Variants in AGAP1 observed in about 807,000 individuals in gnomAD.
The protein encoded by AGAP1 is ArfGAP with GTPase domain, ankyrin repeat and PH domain 1.
A neutral mutation model predicts 105.3 loss-of-function variants in AGAP1; 29 were observed. The observed-to-expected ratio is 0.28, with a 90% CI of 0.21 to 0.38. AGAP1 has a LOEUF of 0.38. Among genes scored for constraint, AGAP1 ranks in the 10% least tolerant of loss-of-function variants. AGAP1 has a pLI of 1.00. For synonymous variants in AGAP1, 509 were observed against 485.9 expected (o/e 1.05, Z -0.63); for missense variants, 998 against 1,165.1 (o/e 0.86, Z 2.09).
chr2:236,096,248 C>G lies in AGAP1; in HGVS notation c.2115-23944C>G, dbSNP rs760306488. On this transcript the variant is annotated intron_variant, in intron 16 of 17. Coordinates refer to ENST00000304032, the MANE Select transcript of AGAP1 (RefSeq NM_001037131.3). The surrounding 1 kb of genome is among the most constrained non-coding windows in gnomAD (Gnocchi z 4.4). ...AGGCACAGTGGCTCACGCCTGTAAT[C>G]CCAGCACTTCGGGAGGCCAAGGCGG... Among the ~76,000 whole-genome samples, 4 of 152,170 alleles carry G rather than the reference C, an allele frequency of 2.6e-5. No individual in the cohort carries two copies. Among genetic ancestry groups the G allele is most frequent in the Non-Finnish European group, 4.4e-5 (3 of 68,030 alleles).
intron 9 of AGAP1, among the ~76,000 whole-genome samples, chr2:235,821,513 A>G (rs1162553091): frequency 6.6e-6 from 1 of 150,858 alleles, no homozygotes; most frequent in Non-Finnish European, 1.5e-5. Flanking sequence ...CCTCCCGAGT[A>G]GCCGGGACTA....
chr2:235,842,848 C>T lies in AGAP1; in HGVS notation c.1050+35517C>T, dbSNP rs1961023553. Among the ~76,000 whole-genome samples the T allele has an allele frequency of 6.6e-6, 1 of 152,016 alleles. No individual in the cohort carries two copies. Among genetic ancestry groups the T allele is most frequent in the East Asian group, 1.9e-4 (1 of 5,178 alleles). ...GTTCAAGTGATTCTTCTGCCTCAGC[C>T]TCCCGACTAGCTGGGATTATAGGCA... is the stretch of plus-strand genomic sequence containing the variant. On this transcript the variant is annotated intron_variant, in intron 9 of 17. Transcript: ENST00000304032. The surrounding 1 kb of genome is among the most constrained non-coding windows in gnomAD (Gnocchi z 5.3).
rs1035047991 is a variant in AGAP1, at chr2:235,633,656, G to C, written c.164-75523G>C. On this transcript the variant is annotated intron_variant, in intron 1 of 17. Coordinates refer to ENST00000304032, the MANE Select transcript of AGAP1 (RefSeq NM_001037131.3). The surrounding 1 kb of genome is among the most constrained non-coding windows in gnomAD (Gnocchi z 4.8). ...GTGGGGAGACCTACAAGGCCTGTCT[G>C]TTCAGATTCCTCTTGGCCTCTGTGT... Among the ~76,000 whole-genome samples, 1 of 152,138 alleles carries C rather than the reference G, an allele frequency of 6.6e-6. No homozygotes were observed. Among genetic ancestry groups the C allele is most frequent in the South Asian group, 2.1e-4 (1 of 4,828 alleles).
At position 235,667,099 on chromosome 2, in the gene AGAP1, T is replaced by G. The variant is rs543064919; in HGVS notation, c.164-42080T>G. ...TGCCATATTTTAGTGGTGTTCATCATTAAAGAGGCGGGATGGCCCTGTAGC... is the reference window on the plus strand; with the variant it reads ...TGCCATATTTTAGTGGTGTTCATCAGTAAAGAGGCGGGATGGCCCTGTAGC... On this transcript the variant is annotated intron_variant, in intron 1 of 17. Coordinates refer to ENST00000304032, the MANE Select transcript of AGAP1 (RefSeq NM_001037131.3). Among the ~76,000 whole-genome samples, 6 of 152,324 alleles carry G rather than the reference T, an allele frequency of 3.9e-5. No homozygotes were observed. In the South Asian group the frequency reaches 1.2e-3, roughly 32 times the overall value.
rs1436225731 is a variant in AGAP1 at position 235,689,425 on chromosome 2, C to T, written c.164-19754C>T. On this transcript the variant is annotated intron_variant, in intron 1 of 17. Coordinates refer to ENST00000304032, the MANE Select transcript of AGAP1 (RefSeq NM_001037131.3). The surrounding 1 kb of genome is among the most constrained non-coding windows in gnomAD (Gnocchi z 4.2). ...AGAAAGTAGTGCACTGATTATGTTTCCATTACACCATAGAACATAACAATT... is the reference window on the plus strand; with the variant it reads ...AGAAAGTAGTGCACTGATTATGTTTTCATTACACCATAGAACATAACAATT... Among the ~76,000 whole-genome samples, 1 of 152,246 alleles carries T rather than the reference C, an allele frequency of 6.6e-6. No individual in the cohort carries two copies. The highest frequency in any genetic ancestry group is 1.5e-5 in the Non-Finnish European group (1 of 68,050).
chr2:235,645,363 T>C (rs1379304463), intron 1 of AGAP1, among the ~76,000 whole-genome samples: 2 of 152,176 alleles, frequency 1.3e-5, no homozygotes, highest in Admixed American at 6.5e-5. Flanking sequence ...TAAAGGAAGC[T>C]AAGGGATAGA....
chr2:235,989,409 C>G lies in AGAP1; in HGVS notation c.1645+20786C>G, dbSNP rs889484784. Among the ~76,000 whole-genome samples the G allele has an allele frequency of 6.6e-6, 1 of 152,174 alleles. No individual in the cohort carries two copies. Among genetic ancestry groups the G allele is most frequent in the African/African-American group, 2.4e-5 (1 of 41,460 alleles). ...GGAGGAAGAACAGACCAGGTGAAAACATCAGGAGGAGGGTCCGCAGCTCGA... is the reference window on the plus strand; with the variant it reads ...GGAGGAAGAACAGACCAGGTGAAAAGATCAGGAGGAGGGTCCGCAGCTCGA... On this transcript the variant is annotated intron_variant, in intron 13 of 17. Transcript: ENST00000304032. The surrounding 1 kb of genome is among the most constrained non-coding windows in gnomAD (Gnocchi z 4.4).
intron 1 of AGAP1, among the ~76,000 whole-genome samples, chr2:235,541,392 T>C (rs1445178606): frequency 7.9e-5 from 11 of 138,606 alleles, no homozygotes; most frequent in African/African-American, 2.4e-4. Flanking sequence ...TTTTTTTTTT[T>C]TTTTTTTTTT....
intron 16 of AGAP1, among the ~76,000 whole-genome samples, chr2:236,103,484 G>T (rs954622077): frequency 5.3e-5 from 8 of 151,474 alleles, no homozygotes; most frequent in African/African-American, 1.9e-4. Flanking sequence ...CCCCTTGTTT[G>T]TTTGTCTTTC....
chr2:235,935,895 C>T (rs1328115933), intron 12 of AGAP1, among the ~76,000 whole-genome samples: 1 of 152,158 alleles, frequency 6.6e-6, no homozygotes. Context: ...ACAAGATGCA[C>T]GTTGAGATGC....
At chr2:235,537,453 G>A (rs1418512442) in intron 1 of AGAP1, among the ~76,000 whole-genome samples, 1 of 152,208 alleles carries the variant, frequency 6.6e-6, no homozygotes, top group Non-Finnish European at 1.5e-5. Context: ...AGGCTGGGGA[G>A]TCATGAGGAT....
At chr2:235,785,269 A>G (rs1956551705) in intron 6 of AGAP1, among the ~76,000 whole-genome samples, 1 of 152,166 alleles carries the variant, frequency 6.6e-6, no homozygotes, top group Admixed American at 6.5e-5. Flanking sequence ...GCCTGTGAGA[A>G]ATGGAAAGAT....
At chr2:236,091,401 T>G (rs1376976527) in intron 16 of AGAP1, among the ~76,000 whole-genome samples, 1 of 152,234 alleles carries the variant, frequency 6.6e-6, no homozygotes, top group Non-Finnish European at 1.5e-5. Context: ...AAAACAGTTT[T>G]ACAGTTTCTT....
rs117163998 is a variant in AGAP1 at position 235,667,150 on chromosome 2, T to C, written c.164-42029T>C. 6.5e-3 allele frequency among the ~76,000 whole-genome samples: 997 copies of C among 152,302 alleles called. 18 individuals carry two copies. The highest frequency in any genetic ancestry group is 0.049 in the Admixed American group (751 of 15,296). On this transcript the variant is annotated intron_variant, in intron 1 of 17. Coordinates refer to ENST00000304032, the MANE Select transcript of AGAP1 (RefSeq NM_001037131.3). ...TGTCTCTGGGATTATCGCGAAGCTT[T>C]TCTCTCCCTCGCTGTCTTTCTGTGG...
At chr2:235,835,438 C>T (rs1960034510) in intron 9 of AGAP1, among the ~76,000 whole-genome samples, 1 of 152,208 alleles carries the variant, frequency 6.6e-6, no homozygotes, top group Non-Finnish European at 1.5e-5. Flanking sequence ...TCATCTACGT[C>T]TGTGTTTTGT....
At position 236,049,091 on chromosome 2, in the gene AGAP1, C is replaced by T; in HGVS notation, c.1924C>T (p.Leu642Phe). ...CTGGGCCAGTTTGAACTTGGGAGCC[C>T]TCATGTGCATCGAATGCTCAGGGAT... Reference protein sequence around the residue: ...PNWASLNLGALMCIECSGIHR... With the variant: ...PNWASLNLGAFMCIECSGIHR... The change falls in exon 16 of 18, where the codon CTC becomes TTC. Residue 642 changes from leucine to phenylalanine, a missense_variant. By Grantham distance (22) the Leu-to-Phe change is conservative. Transcript: ENST00000304032. 1.2e-6 allele frequency: 2 copies of T among 1,614,206 alleles called. No individual in the cohort carries two copies. Among genetic ancestry groups the T allele is most frequent in the Admixed American group, 1.7e-5 (1 of 60,024 alleles).
In AGAP1 at chr2:235,586,067, TC is replaced by T. The variant is rs1175751395; in HGVS notation, c.163+91219del. 1.3e-5 allele frequency among the ~76,000 whole-genome samples: 2 copies of T among 152,214 alleles called. No homozygotes were observed. Among genetic ancestry groups the T allele is most frequent in the Non-Finnish European group, 2.9e-5 (2 of 68,000 alleles). Reference sequence around the variant, plus strand: ...TGAGTGGGAAGGGGATTTAGGAGCTTCATGAGCGAGTCAAATGCAAGTTGGG... The same window carrying T: ...TGAGTGGGAAGGGGATTTAGGAGCTTATGAGCGAGTCAAATGCAAGTTGGG... On this transcript the variant is annotated intron_variant, in intron 1 of 17. Coordinates refer to ENST00000304032, the MANE Select transcript of AGAP1 (RefSeq NM_001037131.3). This position sits in a 1 kb window ranked among gnomAD's most constrained non-coding sequence, Gnocchi z 4.2.
At position 235,631,350 on chromosome 2, in the gene AGAP1, A is replaced by C. The variant is rs1946824590; in HGVS notation, c.164-77829A>C. On this transcript the variant is annotated intron_variant, in intron 1 of 17. Transcript: ENST00000304032. This position sits in a 1 kb window ranked among gnomAD's most constrained non-coding sequence, Gnocchi z 5.4. Reference sequence around the variant, plus strand: ...ATGGCGCAAGGAAGGACGATGGATTAGCCAACCATGACCGGCCAGGCTGTG... The same window carrying C: ...ATGGCGCAAGGAAGGACGATGGATTCGCCAACCATGACCGGCCAGGCTGTG... Among the ~76,000 whole-genome samples the C allele has an allele frequency of 1.3e-5, 2 of 152,208 alleles. No homozygotes were observed. Among genetic ancestry groups the C allele is most frequent in the Non-Finnish European group, 2.9e-5 (2 of 68,050 alleles).
Position 236,062,904 on chromosome 2 carries a change from C to T in AGAP1, c.2114+13623C>T, listed in dbSNP as rs1022307510. ...CTTGAACTCCTGACCTCATGATCCA[C>T]CCACCTTGGCCTCCCAGAGTGCTGG... On this transcript the variant is annotated intron_variant, in intron 16 of 17. Coordinates refer to ENST00000304032, the MANE Select transcript of AGAP1 (RefSeq NM_001037131.3). The surrounding 1 kb of genome is among the most constrained non-coding windows in gnomAD (Gnocchi z 4.2). 6.6e-6 allele frequency among the ~76,000 whole-genome samples: 1 copy of T among 152,052 alleles called. No individual in the cohort carries two copies. Among genetic ancestry groups the T allele is most frequent in the Non-Finnish European group, 1.5e-5 (1 of 68,016 alleles).
Sources: gnomAD v4.1 joint callset for allele counts (sites outside exome capture counted in the v4.1 genomes callset) on GRCh38, gnomAD v4.1.1 for gene constraint, Gnocchi (gnomAD v3.1) non-coding constraint, MANE v1.5 for transcripts, NCBI Gene and HGNC (gene_info 2026-07-23, HGNC 2026-07-21) for gene names.